Variants in CLIP1 observed in about 807,000 individuals in gnomAD.
CLIP1 encodes the protein CAP-Gly domain-containing linker protein 1.
A neutral mutation model predicts 161.6 loss-of-function variants in CLIP1; 66 were observed. The observed-to-expected ratio is 0.41, with a 90% CI of 0.33 to 0.50. The LOEUF (loss-of-function observed/expected upper bound fraction) is 0.50, where lower values mean the gene tolerates loss of function less well. Among genes scored for constraint, CLIP1 ranks in the 20% least tolerant of loss-of-function variants. The pLI is 0.27. For synonymous variants in CLIP1, 598 were observed against 626.2 expected, an observed-to-expected ratio of 0.96 and a Z score of 0.67; for missense variants, 1,376 against 1,702.0, an observed-to-expected ratio of 0.81 and a Z score of 3.37.
chr12:122,288,743 CCCT>C (rs1955963563), intron 20 of CLIP1, among the ~76,000 whole-genome samples: 1 of 152,094 alleles, frequency 6.6e-6, no homozygotes, highest in Middle Eastern at 3.2e-3. Context: ...CAGTAACTCC[CCCT>C]CCTCAGGGAC....
At chr12:122,331,490 T>G (rs188451665) in intron 15 of CLIP1, among the ~76,000 whole-genome samples, 86 of 151,820 alleles carry the variant, frequency 5.7e-4, no homozygotes, top group Non-Finnish European at 9.3e-4. Context: ...AATTTTTGTA[T>G]TTTTAGTAGC....
intron 20 of CLIP1, among the ~76,000 whole-genome samples, chr12:122,290,870 T>A (rs1056085505): frequency 2.0e-5 from 3 of 151,416 alleles, no homozygotes; most frequent in Non-Finnish European, 2.9e-5. Context: ...TTTTTTTATT[T>A]TTTTTTATTT....
At chr12:122,394,583 T>C (rs1018364950) in intron 1 of CLIP1, among the ~76,000 whole-genome samples, 1 of 151,832 alleles carries the variant, frequency 6.6e-6, no homozygotes, top group Non-Finnish European at 1.5e-5. Flanking sequence ...AAGTTTTTAT[T>C]TACTTAAAGG....
chr12:122,406,835 T>G (rs1194767829), intron 1 of CLIP1, among the ~76,000 whole-genome samples: 1 of 151,764 alleles, frequency 6.6e-6, no homozygotes, highest in Non-Finnish European at 1.5e-5. Context: ...CCTGCAATTA[T>G]GAATGCCTTT....
intron 1 of CLIP1, among the ~76,000 whole-genome samples, chr12:122,408,266 C>A (rs994482195): frequency 1.3e-5 from 2 of 149,648 alleles, no homozygotes; most frequent in African/African-American, 4.9e-5. Flanking sequence ...TTTTATTTTG[C>A]AAATGAGCAA....
chr12:122,406,542 G>T (rs1455974447), intron 1 of CLIP1, among the ~76,000 whole-genome samples: 1 of 152,156 alleles, frequency 6.6e-6, no homozygotes, highest in African/African-American at 2.4e-5. Flanking sequence ...AACCTTAAGT[G>T]TTGATTTGAG....
intron 1 of CLIP1, among the ~76,000 whole-genome samples, chr12:122,410,438 T>C (rs930364289): frequency 2.0e-5 from 3 of 150,146 alleles, no homozygotes; most frequent in African/African-American, 4.9e-5. Flanking sequence ...CACATATATA[T>C]ACACACAGAC....
At chr12:122,278,060 T>C (rs1020667025) in intron 24 of CLIP1, 94 bp downstream of exon 24, 1 of 1,121,576 alleles carries the variant, frequency 8.9e-7, no homozygotes, top group Non-Finnish European at 1.3e-6. Flanking sequence ...GACTAAATGA[T>C]ACAAAAGGCA....
At chr12:122,369,997 T>G (rs1308533709) in intron 3 of CLIP1, among the ~76,000 whole-genome samples, 1 of 151,596 alleles carries the variant, frequency 6.6e-6, no homozygotes, top group Non-Finnish European at 1.5e-5. Context: ...ACCCTGTCTC[T>G]ACTAAAAATA....
Position 122,408,973 on chromosome 12 carries a change from G to A in CLIP1, c.-107+13548C>T, listed in dbSNP as rs369010661. ...ATTACAGGTCTGCACAACCATGCCCGGCTAATCTTTATATTTTTGTAGAGA... is the reference window on the plus strand; with the variant it reads ...ATTACAGGTCTGCACAACCATGCCCAGCTAATCTTTATATTTTTGTAGAGA... On this transcript the variant is annotated intron_variant, in intron 1 of 25. Coordinates refer to ENST00000620786, the MANE Select transcript of CLIP1 (RefSeq NM_001247997.2). 9.0e-4 allele frequency among the ~76,000 whole-genome samples: 137 copies of A among 152,046 alleles called. 1 individual carries two copies. Among genetic ancestry groups the A allele is most frequent in the Middle Eastern group, 3.4e-3 (1 of 292 alleles).
At chr12:122,380,864 C>G (rs1362733896) in intron 1 of CLIP1, among the ~76,000 whole-genome samples, 1 of 151,908 alleles carries the variant, frequency 6.6e-6, no homozygotes, top group African/African-American at 2.4e-5. Flanking sequence ...TCGAGACCAG[C>G]CTGATCAATA....
intron 17 of CLIP1, among the ~76,000 whole-genome samples, chr12:122,320,585 G>A (rs1167888231): frequency 6.6e-6 from 1 of 151,960 alleles, no homozygotes; most frequent in Non-Finnish European, 1.5e-5. Flanking sequence ...TTAGCCGGGT[G>A]TGGCAGCACG....
chr12:122,304,296 C>T (rs963211906), intron 20 of CLIP1, among the ~76,000 whole-genome samples: 1 of 152,218 alleles, frequency 6.6e-6, no homozygotes, highest in Non-Finnish European at 1.5e-5. Context: ...ACCGTCCTTT[C>T]CACTTACCAC....
At chr12:122,359,204 T>C (rs1040578309) in intron 5 of CLIP1, among the ~76,000 whole-genome samples, 2 of 152,250 alleles carry the variant, frequency 1.3e-5, no homozygotes, top group African/African-American at 4.8e-5. Context: ...TACTATTTTA[T>C]GGTGATTTTT....
intron 12 of CLIP1, among the ~76,000 whole-genome samples, chr12:122,335,306 T>C (rs545100533): frequency 3.3e-5 from 5 of 152,036 alleles, no homozygotes; most frequent in South Asian, 4.1e-4. Context: ...TCTAACTAGA[T>C]AGGATTATGA....
At chr12:122,292,049 G>A (rs1487922419) in intron 20 of CLIP1, among the ~76,000 whole-genome samples, 1 of 151,978 alleles carries the variant, frequency 6.6e-6, no homozygotes, top group Non-Finnish European at 1.5e-5. Flanking sequence ...TGGAGTGCAG[G>A]GACAAAATCT....
At chr12:122,344,026 T>G (rs1952631311) in intron 10 of CLIP1, 1 of 152,352 alleles carries the variant, frequency 6.6e-6, no homozygotes, top group African/African-American at 2.4e-5. Flanking sequence ...AAGATCAGCC[T>G]GGGCAACACA....
chr12:122,389,662 G>A (rs1166213984), intron 1 of CLIP1, among the ~76,000 whole-genome samples: 6 of 141,082 alleles, frequency 4.3e-5, no homozygotes, highest in African/African-American at 1.5e-4. Context: ...AGGAGGCTGA[G>A]GCATGAGAAT....
At chr12:122,331,157 G>C (rs1951946749) in intron 15 of CLIP1, among the ~76,000 whole-genome samples, 1 of 151,916 alleles carries the variant, frequency 6.6e-6, no homozygotes, top group Non-Finnish European at 1.5e-5. Flanking sequence ...TGGGATTACA[G>C]GAATGCGCCA....
Sources: allele counts gnomAD v4.1 joint callset (sites outside exome capture counted in the v4.1 genomes callset), GRCh38; gene constraint gnomAD v4.1.1; transcripts MANE v1.5; gene names NCBI Gene and HGNC (gene_info 2026-07-23, HGNC 2026-07-21).